Variants in MYBPC3 observed in about 807,000 individuals in gnomAD.
The protein encoded by MYBPC3 is myosin binding protein C3.
MYBPC3 carries 108 observed loss-of-function variants against 159.3 expected under a neutral mutation model. The observed-to-expected ratio is 0.68, with a 90% CI of 0.58 to 0.80. MYBPC3 has a LOEUF of 0.80. MYBPC3 is among the 30% of genes least tolerant of loss of function. The pLI is 0.00. For synonymous variants in MYBPC3, 730 were observed against 702.0 expected (o/e 1.04, Z -0.63); for missense variants, 1,631 against 1,762.1 (o/e 0.93, Z 1.33).
In MYBPC3 at chr11:47,343,655, C is replaced by T. The variant is rs7940442; in HGVS notation, c.1091-31G>A. 14,636 of 1,567,034 alleles carry T rather than the reference C, an allele frequency of 9.3e-3. 1,174 individuals are homozygous for T. The African/African-American group carries it at 0.17, about 18-fold the overall frequency. On this transcript the variant is annotated intron_variant, in intron 12 of 34. Coordinates refer to ENST00000545968, the MANE Select transcript of MYBPC3 (RefSeq NM_000256.3). ...CACCACCCCTCAGCCCCGGCCACCCCACCGCCCGCACCCTGCTCCCCCAGG... is the reference window on the plus strand; with the variant it reads ...CACCACCCCTCAGCCCCGGCCACCCTACCGCCCGCACCCTGCTCCCCCAGG...
In MYBPC3 at chr11:47,332,840, TTGG is replaced by T. The variant is rs1325052714; in HGVS notation, c.3461_3463del (p.Thr1154del). The T allele has an allele frequency of 6.2e-7, 1 of 1,607,618 alleles. No individual in the cohort carries two copies. The highest frequency in any genetic ancestry group is 8.5e-7 in the Non-Finnish European group (1 of 1,177,130). On this transcript the variant is annotated inframe_deletion, in exon 31 of 35. Coordinates refer to ENST00000545968, the MANE Select transcript of MYBPC3 (RefSeq NM_000256.3). This position sits in a 1 kb window ranked among gnomAD's most constrained non-coding sequence, Gnocchi z 4.2. ...TGGTCTGGGGATAAAGACGGGCTCCTTGGTGGTGGCCGCTCTGTCACTAAAGCC... is the reference window on the plus strand; with the variant it reads ...TGGTCTGGGGATAAAGACGGGCTCCTTGGTGGCCGCTCTGTCACTAAAGCC...
chr11:47,346,781 G>A lies in MYBPC3; in HGVS notation c.909-137C>T. 1.0e-6 allele frequency: 1 copy of A among 960,436 alleles called. No homozygotes were observed. The highest frequency in any genetic ancestry group is 1.6e-5 in the South Asian group (1 of 61,740). The allele number at this position is 960,436 out of a possible 1,614,324, so 59.5% of individuals were successfully genotyped here. ...CGCACTTGCACTCCCTGTGTTGTGG[G>A]GCACCCATGCTGCTCCGGAGGCTCT... is the stretch of plus-strand genomic sequence containing the variant. On this transcript the variant is annotated intron_variant, in intron 10 of 34. Coordinates refer to ENST00000545968, the MANE Select transcript of MYBPC3 (RefSeq NM_000256.3). The surrounding 1 kb of genome is among the most constrained non-coding windows in gnomAD (Gnocchi z 5.3).
At chr11:47,344,106 A>T (rs1444533556) in intron 12 of MYBPC3, among the ~76,000 whole-genome samples, 1 of 152,046 alleles carries the variant, frequency 6.6e-6, no homozygotes, top group Non-Finnish European at 1.5e-5. Context: ...CTATGTGTCA[A>T]CCCACCTCCT....
At chr11:47,350,263 C>G (rs1238332070) in intron 3 of MYBPC3, among the ~76,000 whole-genome samples, 151 bp from the exon 4 acceptor site, 3 of 150,492 alleles carry the variant, frequency 2.0e-5, no homozygotes, top group Non-Finnish European at 4.4e-5. Context: ...TAGCTGGGAC[C>G]GCAGGTGCCC....
rs1031924236 is a variant in MYBPC3, at chr11:47,332,043, C to G, written c.3814+29G>C. 1.9e-6 allele frequency: 3 copies of G among 1,604,656 alleles called. No homozygotes were observed. The highest frequency in any genetic ancestry group is 2.7e-5 in the African/African-American group (2 of 74,754). ...CCACTGCCGCCCGCTCTTCCCATCT[C>G]CCAGGCCCTGGCCCCGAGGGCTCCT... On this transcript the variant is annotated intron_variant, in intron 33 of 34. Coordinates refer to ENST00000545968, the MANE Select transcript of MYBPC3 (RefSeq NM_000256.3). The surrounding 1 kb of genome is among the most constrained non-coding windows in gnomAD (Gnocchi z 4.2).
Position 47,343,067 on chromosome 11 carries a change from C to T in MYBPC3, c.1305G>A (p.Gln435=), listed in dbSNP as rs768065513. 1.9e-6 allele frequency: 3 copies of T among 1,612,814 alleles called. No homozygotes were observed. The Admixed American group carries it at 5.0e-5, about 27-fold the overall frequency. Residue 435 remains glutamine (Q), a synonymous_variant, in exon 15 of 35, where the codon CAG becomes CAA. Coordinates refer to ENST00000545968, the MANE Select transcript of MYBPC3 (RefSeq NM_000256.3). The stretch of plus-strand genomic sequence containing the variant: ...TACACTTCTCGCCACCCACCACGCA[C>T]TGGTAGGCTGCGTCGTCCGCCAATG... ...QCSLADDAAY[Q]CVVGGEKCST...
rs1212690061 is a variant in MYBPC3 at position 47,342,153 on chromosome 11, T to A, written c.1628A>T (p.Lys543Met). 6.2e-7 allele frequency: 1 copy of A among 1,613,982 alleles called. No homozygotes were observed. Among genetic ancestry groups the A allele is most frequent in the Admixed American group, 1.7e-5 (1 of 60,008 alleles). Residue 543 changes from lysine to methionine, a missense_variant, in exon 18 of 35, where the codon AAG becomes ATG. By Grantham distance (95) the Lys-to-Met change is moderately conservative. Transcript: ENST00000545968. Reference protein sequence around the residue: ...QALAELIVQEKKLEVYQSIAD... With the variant: ...QALAELIVQEMKLEVYQSIAD... ...GATGCTCTGGTACACCTCCAGCTTC[T>A]TTTCTGCAGGGCAGGGCAGAGCCAT...
chr11:47,347,002 C>G, intron 10 of MYBPC3, 25 bp downstream of exon 10: 1 of 780,330 alleles, frequency 1.3e-6, no homozygotes, highest in Middle Eastern at 2.2e-4. Context: ...CTGCCGCCCC[C>G]AAACACCCAG....
chr11:47,333,679 T>C lies in MYBPC3; in HGVS notation c.3068A>G (p.Asn1023Ser). The C allele has an allele frequency of 6.2e-7, 1 of 1,611,474 alleles. No homozygotes were observed. The highest frequency in any genetic ancestry group is 2.2e-5 in the East Asian group (1 of 44,892). The part of the protein sequence containing the change: ...PLAGEEVSIR[N>S]SPTDTILFIR... Reference sequence around the variant, plus strand: ...GAACAGGATGGTGTCTGTGGGGCTGTTGCGGATGCTCACCTCCTCGCCTGC... The same window carrying C: ...GAACAGGATGGTGTCTGTGGGGCTGCTGCGGATGCTCACCTCCTCGCCTGC... The change falls in exon 29 of 35, where the codon AAC (asparagine) becomes AGC (serine). Residue 1023 changes from asparagine to serine, a missense_variant. By Grantham distance (46) the Asn-to-Ser change is conservative (BLOSUM62 1). Transcript: ENST00000545968.
chr11:47,339,472 G>C, intron 21 of MYBPC3, 68 bp from the exon 22 acceptor site: 1 of 1,549,416 alleles, frequency 6.5e-7, no homozygotes, highest in Non-Finnish European at 8.9e-7. Flanking sequence ...CCCCTCTGCT[G>C]CTTCTTCCAC....
intron 27 of MYBPC3, among the ~76,000 whole-genome samples, 187 bp from the exon 28 acceptor site, chr11:47,334,197 C>T (rs2095880159): frequency 6.6e-6 from 1 of 152,236 alleles, no homozygotes; most frequent in Non-Finnish European, 1.5e-5. Context: ...AGCTGGCTTC[C>T]CCGAGCCTCA....
intron 20 of MYBPC3, 143 bp downstream of exon 20, chr11:47,340,860 G>T: frequency 2.2e-6 from 2 of 921,040 alleles, no homozygotes; most frequent in Non-Finnish European, 3.1e-6. Context: ...ATTGACCCAT[G>T]GTCATGAGTG....
rs1471202212 is a variant in MYBPC3 at position 47,337,528 on chromosome 11, T to A, written c.2465A>T (p.Asn822Ile). The change falls in exon 25 of 35, where the codon AAC (asparagine) becomes ATC (isoleucine). Residue 822 changes from asparagine to isoleucine, a missense_variant. Physicochemically the swap from Asn to Ile is moderately radical, Grantham distance 149. Transcript: ENST00000545968. ...KKKSYRWMRL[N>I]FDLIQELSHE... ...ACTCAGCTCCTGAATCAGGTCGAAGTTCAGCCGCATCCACCGGTAGCTCTT... is the reference window on the plus strand; with the variant it reads ...ACTCAGCTCCTGAATCAGGTCGAAGATCAGCCGCATCCACCGGTAGCTCTT... 6.2e-7 allele frequency: 1 copy of A among 1,613,874 alleles called. No individual in the cohort carries two copies. Among genetic ancestry groups the A allele is most frequent in the Non-Finnish European group, 8.5e-7 (1 of 1,179,898 alleles).
In MYBPC3 at chr11:47,347,497, CAG is replaced by C. The variant is rs1219655744; in HGVS notation, c.852-20_852-19del. On this transcript the variant is annotated intron_variant, in intron 8 of 34. Coordinates refer to ENST00000545968, the MANE Select transcript of MYBPC3 (RefSeq NM_000256.3). The stretch of plus-strand genomic sequence containing the variant: ...GGCTATCACTATGGAGAGGGACCCC[CAG>C]TGAGGCTGCAGTGAGGGACTGGAAA... 23 of 1,593,468 alleles carry C rather than the reference CAG, an allele frequency of 1.4e-5. No individual in the cohort carries two copies. The South Asian group carries it at 2.2e-4, about 15-fold the overall frequency.
In MYBPC3 at chr11:47,343,725, A is replaced by G. The variant is rs11570072; in HGVS notation, c.1091-101T>C. The stretch of plus-strand genomic sequence containing the variant: ...GCTGGGGCCCAGGTCCCCCCCTCCA[A>G]TCCCCTCTGTGCCGCCCCGCTTCCA... On this transcript the variant is annotated intron_variant, in intron 12 of 34. Transcript: ENST00000545968. 205,250 of 1,224,640 alleles carry G rather than the reference A, an allele frequency of 0.17. 17,906 individuals are homozygous for G. Among genetic ancestry groups the G allele is most frequent in the South Asian group, 0.24 (15,203 of 63,616 alleles). 75.9% of individuals were successfully genotyped at this position (1,224,640 alleles called of 1,614,324 possible).
In MYBPC3 at chr11:47,352,499, C is replaced by T. The variant is rs559117250; in HGVS notation, c.25+124G>A. ...AAGGACCCTGGAGGACTGGCTGCCC[C>T]TGTCCTGGGGCTCAGAGGCCACGTC... is the stretch of plus-strand genomic sequence containing the variant. On this transcript the variant is annotated intron_variant, in intron 1 of 34. Coordinates refer to ENST00000545968, the MANE Select transcript of MYBPC3 (RefSeq NM_000256.3). 11 of 1,274,440 alleles carry T rather than the reference C, an allele frequency of 8.6e-6. No homozygotes were observed. The East Asian group carries it at 1.9e-4, about 22-fold the overall frequency. 78.9% of individuals were successfully genotyped at this position (1,274,440 alleles called of 1,614,324 possible).
rs2095877806 is a variant in MYBPC3, at chr11:47,332,190, C to T, written c.3696G>A (p.Lys1232=). The change falls in exon 33 of 35, where the codon AAG becomes AAA. Residue 1232 remains lysine (K), a synonymous_variant. Coordinates refer to ENST00000545968, the MANE Select transcript of MYBPC3 (RefSeq NM_000256.3). The surrounding 1 kb of genome is among the most constrained non-coding windows in gnomAD (Gnocchi z 4.2). ...TAATCTCCAGAGTCAACACTCCCTG[C>T]TTGCTGAACATGCGGAAGCGGGCGT... ...GEDARFRMFS[K]QGVLTLEIRK... The T allele has an allele frequency of 6.2e-7, 1 of 1,613,880 alleles. No homozygotes were observed. The highest frequency in any genetic ancestry group is 8.5e-7 in the Non-Finnish European group (1 of 1,179,902).
Position 47,338,461 on chromosome 11 carries a change from TG to T in MYBPC3, c.2308+58del. 1 of 1,608,320 alleles carries T rather than the reference TG, an allele frequency of 6.2e-7. No individual in the cohort carries two copies. Among genetic ancestry groups the T allele is most frequent in the South Asian group, 1.1e-5 (1 of 90,806 alleles). Reference sequence around the variant, plus strand: ...TCGAGTGGCTGAATGAGCGAACGGATGGGCCCTCCTTGGGGCTGCCCCTCTG... The same window carrying T: ...TCGAGTGGCTGAATGAGCGAACGGATGGCCCTCCTTGGGGCTGCCCCTCTG... On this transcript the variant is annotated intron_variant, in intron 23 of 34. Transcript: ENST00000545968. The surrounding 1 kb of genome is among the most constrained non-coding windows in gnomAD (Gnocchi z 4.7).
chr11:47,339,864 C>T, intron 20 of MYBPC3, 74 bp from the exon 21 acceptor site: 1 of 1,518,910 alleles, frequency 6.6e-7, no homozygotes. Flanking sequence ...CGGGGCTGCT[C>T]AAGAGCCTGG....
Sources: gnomAD v4.1 joint callset for allele counts (sites outside exome capture counted in the v4.1 genomes callset) on GRCh38, gnomAD v4.1.1 for gene constraint, Gnocchi (gnomAD v3.1) non-coding constraint, MANE v1.5 for transcripts, NCBI Gene and HGNC (gene_info 2026-07-23, HGNC 2026-07-21) for gene names.